LUC7L2: variants seen among roughly 807,000 people sequenced by gnomAD.
LUC7L2 encodes LUC7 like 2, pre-mRNA splicing factor, also known as putative RNA-binding protein Luc7-like 2.
LUC7L2 carries 25 observed loss-of-function variants against 52.8 expected under a neutral mutation model. The observed-to-expected ratio is 0.47, with a 90% CI of 0.34 to 0.66. The LOEUF (loss-of-function observed/expected upper bound fraction) is 0.66. Ranked by LOEUF, LUC7L2 falls within the 30% of genes least tolerant of loss-of-function variation. LUC7L2 has a pLI of 0.01. For synonymous variants in LUC7L2, 144 were observed against 160.9 expected, an observed-to-expected ratio of 0.89 and a Z score of 0.80; for missense variants, 328 against 497.8, an observed-to-expected ratio of 0.66 and a Z score of 3.25.
chr7:139,354,654 AC>A (rs1396096599), intron 1 of LUC7L2, among the ~76,000 whole-genome samples: 1 of 152,018 alleles, frequency 6.6e-6, no homozygotes, highest in Admixed American at 6.6e-5. Flanking sequence ...GAGCCACTAT[AC>A]CCTGCCAGCA....
chr7:139,361,311 T>TA (rs1271066161), intron 1 of LUC7L2, among the ~76,000 whole-genome samples: 1 of 152,258 alleles, frequency 6.6e-6, no homozygotes, highest in Non-Finnish European at 1.5e-5. Context: ...TTTAGGCAGA[T>TA]AGTTTCTTAG....
intron 4 of LUC7L2, 45 bp downstream of exon 4, chr7:139,402,292 T>G: frequency 1.4e-6 from 2 of 1,478,682 alleles, no homozygotes; most frequent in Non-Finnish European, 1.8e-6. Flanking sequence ...TTATTTCGAC[T>G]CCTTTTGTTT....
At chr7:139,374,676 T>G (rs1372158137) in intron 1 of LUC7L2, 1 of 1,310,970 alleles carries the variant, frequency 7.6e-7, no homozygotes, top group Non-Finnish European at 9.7e-7. Flanking sequence ...AGCTATCATT[T>G]TAACTATAAA....
At chr7:139,406,384 ACTCT>A (rs1471128098) in intron 5 of LUC7L2, among the ~76,000 whole-genome samples, 3 of 125,402 alleles carry the variant, frequency 2.4e-5, no homozygotes, top group South Asian at 5.0e-4. Flanking sequence ...ACAGAGTCTT[ACTCT>A]CTCTCCAAGG....
At chr7:139,414,638 T>C (rs1368779319) in intron 8 of LUC7L2, among the ~76,000 whole-genome samples, 3 of 152,198 alleles carry the variant, frequency 2.0e-5, no homozygotes, top group African/African-American at 2.4e-5. Context: ...GACCCTGATA[T>C]TACTTCCTTT....
chr7:139,368,569 C>T (rs1800281989), intron 1 of LUC7L2, among the ~76,000 whole-genome samples: 1 of 151,966 alleles, frequency 6.6e-6, no homozygotes, highest in Admixed American at 6.6e-5. Context: ...TGAAACCTGT[C>T]TCTACTAAAA....
At chr7:139,341,669 G>GC in intron 1 of LUC7L2, 1 of 1,353,462 alleles carries the variant, frequency 7.4e-7, no homozygotes, top group South Asian at 1.5e-5. Flanking sequence ...ACCAACCCAG[G>GC]CCCTAGGCTC....
At chr7:139,376,806 A>G (rs1439069508) in intron 2 of LUC7L2, among the ~76,000 whole-genome samples, 3 of 152,188 alleles carry the variant, frequency 2.0e-5, no homozygotes, top group Admixed American at 6.5e-5. Context: ...TTCCCTTCAT[A>G]GTTGCATCTG....
Position 139,344,022 on chromosome 7 carries a change from T to G in LUC7L2, c.-26+3505T>G, listed in dbSNP as rs550802624. Among the ~76,000 whole-genome samples, 102 of 151,024 alleles carry G rather than the reference T, an allele frequency of 6.8e-4. No homozygotes were observed. In the South Asian group the frequency reaches 0.019, roughly 28 times the overall value. On this transcript the variant is annotated intron_variant, in intron 1 of 10. Transcript: ENST00000541170. The stretch of plus-strand genomic sequence containing the variant: ...ATTTGGACATGGCTCCTTTAGTCCC[T>G]CAGAGCTATGCACACATCCCCATCT...
At chr7:139,381,450 G>C (rs7792752) in intron 2 of LUC7L2, among the ~76,000 whole-genome samples, 57,998 of 149,836 alleles carry the variant, frequency 0.39, 15,580 homozygotes, top group African/African-American at 0.77. Context: ...CACACTCTTG[G>C]CCAGGCTGGA....
rs75451538 is a variant in LUC7L2 at position 139,409,536 on chromosome 7, T to C, written c.688-27T>C. 3.9e-4 allele frequency: 623 copies of C among 1,585,858 alleles called. 3 individuals carry two copies. Among genetic ancestry groups the C allele is most frequent in the East Asian group, 2.4e-3 (102 of 43,214 alleles). Reference sequence around the variant, plus strand: ...TGTTTAAGAATGGACTCAGTAAATATTCTCCTCATTTATTACTGTTTTTAA... The same window carrying C: ...TGTTTAAGAATGGACTCAGTAAATACTCTCCTCATTTATTACTGTTTTTAA... On this transcript the variant is annotated intron_variant, in intron 6 of 9. Transcript: ENST00000354926.
chr7:139,361,426 T>C (rs770016649), intron 1 of LUC7L2, among the ~76,000 whole-genome samples: 16 of 152,278 alleles, frequency 1.1e-4, no homozygotes, highest in Admixed American at 8.5e-4. Context: ...TTAATTTACA[T>C]GAGTGCTTTA....
At chr7:139,382,702 T>C (rs1202424138) in intron 2 of LUC7L2, among the ~76,000 whole-genome samples, 3 of 152,130 alleles carry the variant, frequency 2.0e-5, no homozygotes, top group South Asian at 2.1e-4. Flanking sequence ...CTAAAGTAAT[T>C]AAAGTAAAAA....
At chr7:139,413,267 A>G (rs914013135) in intron 8 of LUC7L2, among the ~76,000 whole-genome samples, 1 of 152,130 alleles carries the variant, frequency 6.6e-6, no homozygotes, top group Non-Finnish European at 1.5e-5. Flanking sequence ...GTACTTCATC[A>G]TTCTTTCTCA....
At chr7:139,382,762 T>C (rs779501841) in intron 2 of LUC7L2, among the ~76,000 whole-genome samples, 1 of 152,228 alleles carries the variant, frequency 6.6e-6, no homozygotes, top group Non-Finnish European at 1.5e-5. Flanking sequence ...TTGTCAGATA[T>C]TCTGACTGAA....
At chr7:139,417,220 T>G (rs1795661635) in intron 8 of LUC7L2, 2 of 235,660 alleles carry the variant, frequency 8.5e-6, no homozygotes, top group African/African-American at 2.2e-5. Flanking sequence ...TTTGTATGTT[T>G]TATAGAGACA....
intron 1 of LUC7L2, 93 bp downstream of exon 1, chr7:139,360,415 C>T (rs1329333623): frequency 5.0e-6 from 6 of 1,210,446 alleles, no homozygotes; most frequent in Non-Finnish European, 5.8e-6. Flanking sequence ...GCGCGTGTGG[C>T]TGAGTAAGGG....
At chr7:139,361,372 T>A (rs1418654558) in intron 1 of LUC7L2, among the ~76,000 whole-genome samples, 3 of 152,250 alleles carry the variant, frequency 2.0e-5, no homozygotes, top group Non-Finnish European at 4.4e-5. Flanking sequence ...TGTATTGATT[T>A]AAGAGAAAAG....
intron 1 of LUC7L2, among the ~76,000 whole-genome samples, chr7:139,370,086 C>G (rs1291045009): frequency 6.6e-6 from 1 of 152,064 alleles, no homozygotes; most frequent in Admixed American, 6.6e-5. Flanking sequence ...TTACATAGAT[C>G]AAGACATATT....
Sources: allele counts gnomAD v4.1 joint callset (sites outside exome capture counted in the v4.1 genomes callset), GRCh38; gene constraint gnomAD v4.1.1; transcripts MANE v1.5; gene names NCBI Gene and HGNC (gene_info 2026-07-23, HGNC 2026-07-21).